Variants in ROBO2 observed in about 807,000 individuals in gnomAD.
ROBO2 encodes roundabout homolog 2.
ROBO2 carries 53 observed loss-of-function variants against 160.8 expected under a neutral mutation model. The observed-to-expected ratio is 0.33, with a 90% confidence interval of 0.26 to 0.41. ROBO2 has a LOEUF of 0.41. Among genes scored for constraint, ROBO2 ranks in the 10% least tolerant of loss-of-function variants. ROBO2 has a pLI of 1.00. For synonymous variants in ROBO2, 664 were observed against 611.7 expected, an observed-to-expected ratio of 1.09 and a Z score of -1.26; for missense variants, 1,577 against 1,722.4, an observed-to-expected ratio of 0.92 and a Z score of 1.49.
intron 2 of ROBO2, among the ~76,000 whole-genome samples, chr3:76,462,145 A>C (rs1413221662): frequency 6.6e-6 from 1 of 152,200 alleles, no homozygotes; most frequent in Admixed American, 6.5e-5. Context: ...GAATTTTCAA[A>C]AGTGATTTAT....
intron 2 of ROBO2, among the ~76,000 whole-genome samples, chr3:76,091,357 G>A (rs2069227804): frequency 6.6e-6 from 1 of 152,058 alleles, no homozygotes; most frequent in African/African-American, 2.4e-5. Flanking sequence ...TATAATTAAG[G>A]AATCGCAAAT....
intron 2 of ROBO2, among the ~76,000 whole-genome samples, chr3:77,451,143 AATTTTT>A: frequency 6.6e-6 from 1 of 152,236 alleles, no homozygotes. Flanking sequence ...GATTCCTACA[AATTTTT>A]ATTTCCCAGT....
In ROBO2 at chr3:76,881,592, C is replaced by T. The variant is rs188198869; in HGVS notation, c.110-216422C>T. On this transcript the variant is annotated intron_variant, in intron 2 of 26. Transcript: ENST00000487694. ...ATAATATCAACATAAGGACATATAT[C>T]TGCTGCAAAATTATTCTTGGAATAC... is the stretch of plus-strand genomic sequence containing the variant. Among the ~76,000 whole-genome samples, 1,093 of 152,262 alleles carry T rather than the reference C, an allele frequency of 7.2e-3. 6 individuals are homozygous for T. Among genetic ancestry groups the T allele is most frequent in the Middle Eastern group, 0.017 (5 of 294 alleles).
chr3:76,731,848 T>C (rs1576299890), intron 2 of ROBO2, among the ~76,000 whole-genome samples: 1 of 152,278 alleles, frequency 6.6e-6, no homozygotes, highest in East Asian at 1.9e-4. Context: ...GAAGATGGGG[T>C]GATGTAAATA....
chr3:77,637,891 T>A (rs1376736649), intron 24 of ROBO2, among the ~76,000 whole-genome samples: 1 of 149,158 alleles, frequency 6.7e-6, no homozygotes, highest in Non-Finnish European at 1.5e-5. Context: ...TAAAGTATGA[T>A]CAATATATTG....
chr3:76,952,707 G>T (rs1364058408), intron 2 of ROBO2, among the ~76,000 whole-genome samples: 1 of 151,686 alleles, frequency 6.6e-6, no homozygotes. Flanking sequence ...ATATATTTAT[G>T]TATAAAATAT....
At chr3:76,485,587 C>T (rs1242789247) in intron 2 of ROBO2, among the ~76,000 whole-genome samples, 12 of 152,066 alleles carry the variant, frequency 7.9e-5, no homozygotes, top group African/African-American at 2.9e-4. Context: ...GTGGAAAGAC[C>T]TTTGCCTTGT....
intron 2 of ROBO2, among the ~76,000 whole-genome samples, chr3:76,012,598 C>T (rs2066225417): frequency 2.0e-5 from 3 of 150,732 alleles, no homozygotes; most frequent in Admixed American, 1.3e-4. Context: ...ATGTTTGTGA[C>T]TGGGGATATT....
At chr3:77,042,149 AGCGATAGT>A (rs1486746617) in intron 1 of ROBO2, among the ~76,000 whole-genome samples, 1 of 152,166 alleles carries the variant, frequency 6.6e-6, no homozygotes, top group African/African-American at 2.4e-5. Context: ...TTTGCCCCCC[AGCGATAGT>A]GAGGGAGGGA....
intron 2 of ROBO2, among the ~76,000 whole-genome samples, chr3:75,956,891 A>G (rs1413893301): frequency 6.6e-6 from 1 of 151,704 alleles, no homozygotes; most frequent in Non-Finnish European, 1.5e-5. Flanking sequence ...TTGATCTTTT[A>G]TGACAAAATA....
intron 2 of ROBO2, among the ~76,000 whole-genome samples, chr3:76,924,147 A>G (rs1206653591): frequency 6.6e-6 from 1 of 152,190 alleles, no homozygotes; most frequent in Non-Finnish European, 1.5e-5. Context: ...CAATAGACCT[A>G]TATCTATTCT....
chr3:76,521,045 C>CTTTTTTTTT (rs58517740), intron 2 of ROBO2, among the ~76,000 whole-genome samples: 15 of 100,120 alleles, frequency 1.5e-4, no homozygotes, highest in Admixed American at 9.4e-4. Context: ...AAAATTGCTT[C>CTTTTTTTTT]TTTTTTTTTT....
intron 2 of ROBO2, among the ~76,000 whole-genome samples, chr3:77,158,754 G>A (rs751064787): frequency 2.6e-5 from 4 of 152,002 alleles, no homozygotes; most frequent in African/African-American, 9.7e-5. Context: ...TGTTCAGTGC[G>A]GAGCTGTTAA....
chr3:76,500,622 CAA>C (rs2080407307), intron 2 of ROBO2, among the ~76,000 whole-genome samples: 1 of 152,238 alleles, frequency 6.6e-6, no homozygotes, highest in East Asian at 1.9e-4. Flanking sequence ...ACATTCTTCA[CAA>C]AAGCAGTCAC....
intron 2 of ROBO2, among the ~76,000 whole-genome samples, chr3:77,455,874 T>C (rs1290934602): frequency 6.6e-6 from 1 of 152,206 alleles, no homozygotes; most frequent in Non-Finnish European, 1.5e-5. Context: ...TTTATAGTAA[T>C]GTCCTTTGAG....
At chr3:76,356,396 C>T (rs2075166862) in intron 2 of ROBO2, among the ~76,000 whole-genome samples, 1 of 151,498 alleles carries the variant, frequency 6.6e-6, no homozygotes, top group South Asian at 2.1e-4. Context: ...GAATAAAAAG[C>T]AAGATCCAGG....
intron 2 of ROBO2, among the ~76,000 whole-genome samples, chr3:76,747,242 A>C (rs2093908857): frequency 1.3e-5 from 2 of 152,278 alleles, no homozygotes; most frequent in Middle Eastern, 3.4e-3. Context: ...GTTTAGTTGA[A>C]CAACAAAGTG....
intron 2 of ROBO2, among the ~76,000 whole-genome samples, chr3:76,728,966 TTCTC>T (rs1453168745): frequency 6.6e-6 from 1 of 152,200 alleles, no homozygotes; most frequent in East Asian, 1.9e-4. Flanking sequence ...ATCTCTATGT[TTCTC>T]TCTGTCTCTG....
At chr3:76,667,850 C>T (rs751788922) in intron 2 of ROBO2, among the ~76,000 whole-genome samples, 2 of 151,878 alleles carry the variant, frequency 1.3e-5, no homozygotes, top group African/African-American at 2.4e-5. Context: ...GTAGTTATAA[C>T]AAATATTCTA....
Sources: allele counts gnomAD v4.1 joint callset (sites outside exome capture counted in the v4.1 genomes callset), GRCh38; gene constraint gnomAD v4.1.1; transcripts MANE v1.5; gene names NCBI Gene and HGNC (gene_info 2026-07-23, HGNC 2026-07-21).